The following FRMD4A variants were observed in gnomAD, a reference collection of about 807,000 sequenced individuals.
The protein encoded by FRMD4A is FERM domain containing 4A.
A neutral mutation model predicts 129.1 loss-of-function variants in FRMD4A; 29 were observed. The ratio of observed to expected loss-of-function variants is 0.22; its 90% CI spans 0.17 to 0.31. The LOEUF is 0.31. Ranked by LOEUF, FRMD4A falls within the 10% of genes least tolerant of loss-of-function variation. The probability of loss-of-function intolerance (pLI) is 1.00; values close to 1 mark genes in which losing one functional copy is unlikely to be tolerated. For missense variants in FRMD4A, 1,272 were observed against 1,375.8 expected (o/e 0.92, Z 1.19); for synonymous variants, 634 against 571.6 (o/e 1.11, Z -1.56).
At chr10:13,987,860 A>T (rs1177052040) in intron 2 of FRMD4A, among the ~76,000 whole-genome samples, 1 of 152,208 alleles carries the variant, frequency 6.6e-6, no homozygotes, top group Admixed American at 6.5e-5. Context: ...ATGATTTCAG[A>T]GTTTGCTTCC....
chr10:13,855,155 G>C (rs1468452337), intron 3 of FRMD4A, among the ~76,000 whole-genome samples: 1 of 152,154 alleles, frequency 6.6e-6, no homozygotes, highest in Non-Finnish European at 1.5e-5. Context: ...TAGGATGACA[G>C]GCATTTTTTC....
At chr10:13,921,764 C>T (rs1453733092) in intron 2 of FRMD4A, among the ~76,000 whole-genome samples, 2 of 152,172 alleles carry the variant, frequency 1.3e-5, no homozygotes, top group African/African-American at 4.8e-5. Flanking sequence ...GACGGAACTG[C>T]AATTCAAACC....
intron 12 of FRMD4A, among the ~76,000 whole-genome samples, chr10:13,729,134 C>CCCAAGGCCAGGGTCTGTCACCCACAGGG (rs60743265): frequency 2.0e-5 from 3 of 152,198 alleles, no homozygotes; most frequent in Non-Finnish European, 4.4e-5. Flanking sequence ...TCTCTAGACG[C>CCCAAGGCCAGGGTCTGTCACCCACAGGG]ATGGAAAGCG....
chr10:13,833,559 T>A (rs896119285), intron 3 of FRMD4A, among the ~76,000 whole-genome samples: 2 of 152,136 alleles, frequency 1.3e-5, no homozygotes, highest in Non-Finnish European at 2.9e-5. Flanking sequence ...TGCCCGGTGG[T>A]TAAGGGCCCA....
chr10:14,310,620 G>A (rs937156920), intron 2 of FRMD4A, among the ~76,000 whole-genome samples: 2 of 152,138 alleles, frequency 1.3e-5, no homozygotes, highest in Admixed American at 6.5e-5. Flanking sequence ...GCACAGGGCC[G>A]GCCAGGTAGC....
At chr10:13,701,289 C>T (rs2086808914) in intron 14 of FRMD4A, 51 bp downstream of exon 14, 26 of 1,570,998 alleles carry the variant, frequency 1.7e-5, no homozygotes, top group Non-Finnish European at 2.3e-5. Flanking sequence ...CATTCCTAAA[C>T]TAAGAGAGGC....
intron 2 of FRMD4A, among the ~76,000 whole-genome samples, chr10:14,064,499 C>T (rs1046017555): frequency 2.6e-5 from 4 of 152,308 alleles, no homozygotes; most frequent in Non-Finnish European, 5.9e-5. Context: ...ATTCCTTCTG[C>T]GTGAACTTTT....
At chr10:13,764,183 C>CTGTGTGTGTGTGTG (rs1564761539) in intron 6 of FRMD4A, among the ~76,000 whole-genome samples, 1 of 87,294 alleles carries the variant, frequency 1.1e-5, no homozygotes, top group African/African-American at 5.0e-5. Flanking sequence ...CCAAAGATTT[C>CTGTGTGTGTGTGTG]CGTGTGTGTG....
At chr10:14,118,072 C>A (rs1332872430) in intron 2 of FRMD4A, among the ~76,000 whole-genome samples, 3 of 152,122 alleles carry the variant, frequency 2.0e-5, no homozygotes, top group Non-Finnish European at 2.9e-5. Context: ...TCAGCGCAGA[C>A]CCTGCCACAT....
At chr10:14,180,482 G>A (rs1297794822) in intron 2 of FRMD4A, among the ~76,000 whole-genome samples, 1 of 152,176 alleles carries the variant, frequency 6.6e-6, no homozygotes, top group Non-Finnish European at 1.5e-5. Flanking sequence ...ATTCCAACGG[G>A]AGGATAACAG....
intron 15 of FRMD4A, among the ~76,000 whole-genome samples, chr10:13,691,816 C>G (rs1329623193): frequency 6.6e-6 from 1 of 152,242 alleles, no homozygotes; most frequent in East Asian, 1.9e-4. Context: ...GGAAAAAACG[C>G]GATTGTAGGT....
intron 8 of FRMD4A, among the ~76,000 whole-genome samples, chr10:13,759,248 G>A (rs1269638690): frequency 6.6e-6 from 1 of 152,190 alleles, no homozygotes; most frequent in Admixed American, 6.5e-5. Flanking sequence ...CAAACTGCTA[G>A]GTAGCAGTAG....
chr10:13,659,696 G>GA (rs2082477473), intron 20 of FRMD4A, among the ~76,000 whole-genome samples: 1 of 151,668 alleles, frequency 6.6e-6, no homozygotes, highest in African/African-American at 2.4e-5. Context: ...AATATGAGAG[G>GA]AAAACCCTGG....
rs942046293 is a variant in FRMD4A at position 14,010,577 on chromosome 10, A to T, written c.46-151665T>A. 1.4e-5 allele frequency among the ~76,000 whole-genome samples: 2 copies of T among 143,008 alleles called. 1 individual carries two copies. Among genetic ancestry groups the T allele is most frequent in the Admixed American group, 1.4e-4 (2 of 14,132 alleles). The allele number at this position is 143,008 out of a possible 152,430, so 93.8% of individuals were successfully genotyped here. A position where few individuals can be genotyped will look rare whatever the true frequency, so the allele number is the denominator to read the frequency against. On this transcript the variant is annotated intron_variant, in intron 2 of 24. Coordinates refer to ENST00000357447, the MANE Select transcript of FRMD4A (RefSeq NM_018027.5). ...CTTGGAGTGATTTCAAGGCTCTCAAAGGTTGCTGGTCCAAAAATATCTTTC... is the reference window on the plus strand; with the variant it reads ...CTTGGAGTGATTTCAAGGCTCTCAATGGTTGCTGGTCCAAAAATATCTTTC...
intron 2 of FRMD4A, among the ~76,000 whole-genome samples, chr10:13,989,216 G>A (rs1362454066): frequency 1.3e-5 from 2 of 152,072 alleles, no homozygotes; most frequent in Non-Finnish European, 2.9e-5. Context: ...TTCTGAGTGG[G>A]TATCAGGGGT....
At chr10:13,856,795 T>C (rs2094219860) in intron 3 of FRMD4A, among the ~76,000 whole-genome samples, 1 of 152,220 alleles carries the variant, frequency 6.6e-6, no homozygotes, top group Non-Finnish European at 1.5e-5. Context: ...TAATTAAATC[T>C]ATTTTTTTCT....
chr10:13,786,083 C>T lies in FRMD4A; in HGVS notation c.300-3077G>A, dbSNP rs185647350. Among the ~76,000 whole-genome samples, 1,289 of 152,250 alleles carry T rather than the reference C, an allele frequency of 8.5e-3. 13 individuals carry two copies. Among genetic ancestry groups the T allele is most frequent in the African/African-American group, 0.025 (1,038 of 41,526 alleles). ...TGTGAATAGTGCCACAATAAACATACGTGTGCATGTGTCTTTATAGCAGCA... is the reference window on the plus strand; with the variant it reads ...TGTGAATAGTGCCACAATAAACATATGTGTGCATGTGTCTTTATAGCAGCA... On this transcript the variant is annotated intron_variant, in intron 5 of 24. Transcript: ENST00000357447.
intron 2 of FRMD4A, among the ~76,000 whole-genome samples, chr10:14,124,856 TAG>T (rs1228826772): frequency 6.6e-6 from 1 of 152,160 alleles, no homozygotes; most frequent in East Asian, 1.9e-4. Flanking sequence ...AAGGCATGTT[TAG>T]AGTGTGTGTA....
chr10:13,699,890 T>C (rs932687408), intron 14 of FRMD4A, among the ~76,000 whole-genome samples: 2 of 152,148 alleles, frequency 1.3e-5, no homozygotes, highest in Non-Finnish European at 2.9e-5. Context: ...CTAGGACCCA[T>C]CACTGCCAGG....
Sources: allele counts gnomAD v4.1 joint callset (sites outside exome capture counted in the v4.1 genomes callset), GRCh38; gene constraint gnomAD v4.1.1; transcripts MANE v1.5; gene names NCBI Gene and HGNC (gene_info 2026-07-23, HGNC 2026-07-21).